Variants in SMC1A observed in about 807,000 individuals in gnomAD.
SMC1A encodes the protein structural maintenance of chromosomes 1A, also known as structural maintenance of chromosomes protein 1A.
Under a neutral mutation model 94.5 loss-of-function variants are expected in SMC1A, and 4 were observed. That is an observed-to-expected ratio of 0.04 (90% CI 0.02 to 0.10). SMC1A has a LOEUF of 0.10. Among genes scored for constraint, SMC1A ranks in the 10% least tolerant of loss-of-function variants. The pLI, the probability that SMC1A is intolerant of heterozygous loss-of-function variation, is 1.00. For synonymous variants in SMC1A, 345 were observed against 347.7 expected, an observed-to-expected ratio of 0.99 and a Z score of 0.09; for missense variants, 304 against 989.0, an observed-to-expected ratio of 0.31 and a Z score of 9.29.
chrX:53,422,238 T>C (rs1268418731), intron 1 of SMC1A, among the ~76,000 whole-genome samples: 5 of 110,579 alleles, frequency 4.5e-5, no homozygotes, highest in South Asian at 3.9e-4. Context: ...GTAGGCGGGG[T>C]AACTGGCAGC....
Position 53,400,780 on chromosome X carries a change from A to T in SMC1A, c.2421-1050T>A, listed in dbSNP as rs782500494. Among the ~76,000 whole-genome samples the T allele has an allele frequency of 3.6e-5, 4 of 111,866 alleles. No homozygotes were observed. In the South Asian group the frequency reaches 1.5e-3, roughly 42 times the overall value. On this transcript the variant is annotated intron_variant, in intron 15 of 24. Coordinates refer to ENST00000322213, the MANE Select transcript of SMC1A (RefSeq NM_006306.4). ...CTTCCAATTGCCCTCTCCAACTCCC[A>T]ATATGGTGTGACAGATGTTGCCAGA...
intron 16 of SMC1A, among the ~76,000 whole-genome samples, chrX:53,397,591 AT>A (rs1260862052): frequency 2.8e-5 from 3 of 106,596 alleles, no homozygotes; most frequent in Non-Finnish European, 5.8e-5. Flanking sequence ...AAAAAAAAAA[AT>A]AATAATCACA....
At chrX:53,389,488 C>CA (rs1556886889) in intron 19 of SMC1A, among the ~76,000 whole-genome samples, 1 of 111,106 alleles carries the variant, frequency 9.0e-6, no homozygotes, top group African/African-American at 3.3e-5. Flanking sequence ...CCCAACACTT[C>CA]AGGAGGCCGA....
chrX:53,403,459 A>G (rs1463070399), intron 15 of SMC1A, 107 bp downstream of exon 15: 16 of 614,707 alleles, frequency 2.6e-5, no homozygotes, highest in African/African-American at 4.5e-5. Flanking sequence ...ATAAACTCAC[A>G]TAGTTCTAAG....
intron 1 of SMC1A, among the ~76,000 whole-genome samples, chrX:53,415,416 A>G (rs2075727844): frequency 1.8e-5 from 2 of 111,140 alleles, no homozygotes; most frequent in South Asian, 7.6e-4. Flanking sequence ...GGATAAGCGT[A>G]GTGACTCACA....
chrX:53,409,202 G>A lies in SMC1A; in HGVS notation c.1405C>T (p.Arg469Cys). 8.3e-7 allele frequency: 1 copy of A among 1,210,661 alleles called. No individual in the cohort carries two copies. The highest frequency in any genetic ancestry group is 1.1e-6 in the Non-Finnish European group (1 of 895,053). Residue 469 changes from arginine to cysteine, a missense_variant, in exon 9 of 25, where the codon CGT becomes TGT. Transcript: ENST00000322213. ...LTEEVEMAKRRIDEINKELNQ... is the reference protein window; with the variant it reads ...LTEEVEMAKRCIDEINKELNQ... ...AGCTCCTTATTGATTTCATCAATAC[G>A]CCGCTTGGCCATCTCCACCTCCTCT...
At chrX:53,415,318 G>A in intron 1 of SMC1A, 149 bp from the exon 2 acceptor site, 4 of 520,227 alleles carry the variant, frequency 7.7e-6, no homozygotes, top group Non-Finnish European at 9.9e-6. Flanking sequence ...TCCCCATAAA[G>A]ACTGAGCACA....
Position 53,412,392 on chromosome X carries a change from C to A in SMC1A, c.855-139G>T. ...AAAAGAACATGGGCGTAATGCCCCA[C>A]AGATCCTGAAAAAAAGGGGCAGTCT... On this transcript the variant is annotated intron_variant, in intron 5 of 24. Transcript: ENST00000322213. The A allele has an allele frequency of 1.2e-5, 7 of 601,599 alleles. No individual in the cohort carries two copies. In the Admixed American group the frequency reaches 1.4e-4, roughly 12 times the overall value. The allele number at this position is 601,599 out of a possible 1,213,427, so 49.6% of individuals were successfully genotyped here. A position where few individuals can be genotyped will look rare whatever the true frequency, so the allele number is the denominator to read the frequency against.
rs1449231560 is a variant in SMC1A, at chrX:53,405,254, C to T, written c.2049G>A (p.Glu683=). Residue 683 remains glutamate (E), a synonymous_variant, in exon 12 of 25, where the codon GAG becomes GAA. Coordinates refer to ENST00000322213, the MANE Select transcript of SMC1A (RefSeq NM_006306.4). ...ACTGCCTGTGGCTTACTTTCAGCTCCTCTGTCAAGCGCTCCTTCTTCTCTT... is the reference window on the plus strand; with the variant it reads ...ACTGCCTGTGGCTTACTTTCAGCTCTTCTGTCAAGCGCTCCTTCTTCTCTT... ...KLKEKKERLT[E]ELKEQMKAKR... 3 of 1,212,046 alleles carry T rather than the reference C, an allele frequency of 2.5e-6. No individual in the cohort carries two copies. The highest frequency in any genetic ancestry group is 2.2e-5 in the Admixed American group (1 of 46,051).
chrX:53,391,578 G>A (rs2075629775), intron 19 of SMC1A, among the ~76,000 whole-genome samples: 1 of 111,117 alleles, frequency 9.0e-6, no homozygotes, highest in African/African-American at 3.3e-5. Flanking sequence ...CCAGGCTACA[G>A]CGCACTGGTG....
chrX:53,410,609 G>A (rs965755072), intron 7 of SMC1A, among the ~76,000 whole-genome samples: 11 of 108,690 alleles, frequency 1.0e-4, no homozygotes, highest in African/African-American at 3.7e-4. Flanking sequence ...AGACCAGCCT[G>A]ACCAACAAGG....
chrX:53,414,953 G>A, intron 2 of SMC1A, 28 bp downstream of exon 2: 1 of 1,209,057 alleles, frequency 8.3e-7, no homozygotes, highest in Non-Finnish European at 1.1e-6. Flanking sequence ...CAGGACCCAA[G>A]GAGAGCTTTC....
Position 53,405,962 on chromosome X carries a change from T to C in SMC1A, c.1546-6A>G, listed in dbSNP as rs1556889654. 1.7e-6 allele frequency: 2 copies of C among 1,208,786 alleles called. No individual in the cohort carries two copies. The highest frequency in any genetic ancestry group is 1.7e-5 in the African/African-American group (1 of 57,525). The stretch of plus-strand genomic sequence containing the variant: ...AGGTCAATGAGGCGGCCGTACTGAG[T>C]AAAGTAGGAAGGGAAAACTGAAGTA... On this transcript the variant is annotated splice_polypyrimidine_tract_variant and splice_region_variant and intron_variant, in intron 9 of 24. Coordinates refer to ENST00000322213, the MANE Select transcript of SMC1A (RefSeq NM_006306.4).
intron 19 of SMC1A, among the ~76,000 whole-genome samples, chrX:53,388,793 C>T (rs1556886751): frequency 9.2e-6 from 1 of 108,379 alleles, no homozygotes; most frequent in East Asian, 2.9e-4. Flanking sequence ...GTCAGGATAT[C>T]GAGACCATCC....
chrX:53,389,163 C>T lies in SMC1A; in HGVS notation c.2973+5615G>A, dbSNP rs1437126074. ...GGGGGTGAAGGGAACATTTTAAACA[C>T]TGCAGGACACAATCAGTAAAGTATA... On this transcript the variant is annotated intron_variant, in intron 19 of 24. Transcript: ENST00000322213. 4.8e-5 allele frequency among the ~76,000 whole-genome samples: 5 copies of T among 103,126 alleles called. No homozygotes were observed. In the Admixed American group the frequency reaches 5.4e-4, roughly 11 times the overall value. The allele number at this position is 103,126 out of a possible 115,157, so 89.6% of individuals were successfully genotyped here.
intron 13 of SMC1A, among the ~76,000 whole-genome samples, chrX:53,404,136 G>A (rs2075681968): frequency 9.0e-6 from 1 of 111,337 alleles, no homozygotes; most frequent in South Asian, 3.8e-4. Flanking sequence ...ACATCATTAG[G>A]TATAGGTCCC....
In SMC1A at chrX:53,422,513, T is replaced by C. The variant is rs1330260800; in HGVS notation, c.88A>G (p.Ile30Val). Reference sequence around the variant, plus strand: ...TCACCAGAGCCATTGGGTCCAATGATGGCGGTGAACCTCTGAAATGGTCCG... The same window carrying C: ...TCACCAGAGCCATTGGGTCCAATGACGGCGGTGAACCTCTGAAATGGTCCG... Reference protein sequence around the residue: ...IIGPFQRFTAIIGPNGSGKSN... With the variant: ...IIGPFQRFTAVIGPNGSGKSN... The change falls in exon 1 of 25, where the codon ATC becomes GTC. Residue 30 changes from isoleucine (I) to valine (V), a missense_variant. By Grantham distance (29) the Ile-to-Val change is conservative. Transcript: ENST00000322213. 8.4e-7 allele frequency: 1 copy of C among 1,195,780 alleles called. No individual in the cohort carries two copies. The highest frequency in any genetic ancestry group is 1.1e-6 in the Non-Finnish European group (1 of 880,800).
chrX:53,397,933 C>A (rs907627688), intron 16 of SMC1A, among the ~76,000 whole-genome samples: 4 of 110,809 alleles, frequency 3.6e-5, no homozygotes, highest in Non-Finnish European at 7.6e-5. Context: ...CACCTGTAAT[C>A]CCAGCACTTT....
chrX:53,383,020 G>A, intron 20 of SMC1A, 77 bp downstream of exon 20: 1 of 966,726 alleles, frequency 1.0e-6, no homozygotes, highest in South Asian at 2.0e-5. Context: ...AGGAACTGCT[G>A]TGATGTATAG....
Sources: gnomAD v4.1 joint callset for allele counts (sites outside exome capture counted in the v4.1 genomes callset) on GRCh38, gnomAD v4.1.1 for gene constraint, MANE v1.5 for transcripts, NCBI Gene and HGNC (gene_info 2026-07-23, HGNC 2026-07-21) for gene names.